EPM2A: variants seen among roughly 807,000 people sequenced by gnomAD.
EPM2A encodes the protein EPM2A glucan phosphatase, laforin, also known as laforin.
EPM2A carries 21 observed loss-of-function variants against 26.5 expected under a neutral mutation model. That is an observed-to-expected ratio of 0.79 (90% CI 0.56 to 1.14). The LOEUF is 1.14. Among genes scored for constraint, EPM2A ranks in the 50% most tolerant of loss-of-function variants. EPM2A has a pLI of 0.00. For missense variants in EPM2A, 458 were observed against 440.8 expected (o/e 1.04, Z -0.35); for synonymous variants, 217 against 177.6 (o/e 1.22, Z -1.76).
At chr6:145,677,462 G>A (rs892058227) in intron 2 of EPM2A, among the ~76,000 whole-genome samples, 15 of 152,088 alleles carry the variant, frequency 9.9e-5, no homozygotes, top group Admixed American at 6.6e-4. Flanking sequence ...GAAATAAAGG[G>A]TATTCAATTA....
Position 145,538,254 on chromosome 6 carries a change from G to A in EPM2A, c.341-35679C>T, listed in dbSNP as rs1301332313. 2.0e-5 allele frequency among the ~76,000 whole-genome samples: 3 copies of A among 151,902 alleles called. No homozygotes were observed. In the East Asian group the frequency reaches 5.8e-4, roughly 30 times the overall value. On this transcript the variant is annotated intron_variant, in intron 2 of 3. Transcript: ENST00000450221. ...AAAGCATTACTATTTCTCCACAGAA[G>A]AGGCCTTTTTTTTTTTACATGCTTT... is the stretch of plus-strand genomic sequence containing the variant.
At chr6:145,695,756 T>C (rs1473182862) in intron 1 of EPM2A, among the ~76,000 whole-genome samples, 2 of 152,030 alleles carry the variant, frequency 1.3e-5, no homozygotes, top group Non-Finnish European at 2.9e-5. Context: ...TAAATATATA[T>C]ACATCTAACA....
At chr6:145,712,725 CAG>C (rs1245649418) in intron 1 of EPM2A, among the ~76,000 whole-genome samples, 11 of 152,172 alleles carry the variant, frequency 7.2e-5, no homozygotes, top group Non-Finnish European at 1.0e-4. Context: ...AAAGCTTCAC[CAG>C]AGAGTTTTTC....
At chr6:145,734,040 C>G (rs540149724) in intron 1 of EPM2A, among the ~76,000 whole-genome samples, 1 of 135,388 alleles carries the variant, frequency 7.4e-6, no homozygotes, top group South Asian at 2.4e-4. Context: ...ATTTAGCAGT[C>G]TTTAATGAAG....
chr6:145,418,223 A>G (rs1360500204), intron 4 of EPM2A, among the ~76,000 whole-genome samples: 1 of 152,214 alleles, frequency 6.6e-6, no homozygotes, highest in Non-Finnish European at 1.5e-5. Context: ...CCTGCTCCTC[A>G]GGAAATGCTC....
rs553018433 is a variant in EPM2A at position 145,508,673 on chromosome 6, G to A, written c.341-6098C>T. On this transcript the variant is annotated intron_variant, in intron 2 of 3. Coordinates refer to the EPM2A transcript ENST00000450221. Reference sequence around the variant, plus strand: ...GAGAAGGAACCAGTATAAGAACTCTGGCAATACAAAAATCCAGAGTGTTTT... The same window carrying A: ...GAGAAGGAACCAGTATAAGAACTCTAGCAATACAAAAATCCAGAGTGTTTT... Among the ~76,000 whole-genome samples, 9 of 152,140 alleles carry A rather than the reference G, an allele frequency of 5.9e-5. No homozygotes were observed. The East Asian group carries it at 7.7e-4, about 13-fold the overall frequency.
At chr6:145,431,983 A>C (rs1378596717) in intron 4 of EPM2A, among the ~76,000 whole-genome samples, 1 of 152,246 alleles carries the variant, frequency 6.6e-6, no homozygotes, top group African/African-American at 2.4e-5. Context: ...ACCATCTCAG[A>C]AAATCACATT....
intron 1 of EPM2A, among the ~76,000 whole-genome samples, chr6:145,687,193 A>C (rs950846003): frequency 6.6e-6 from 1 of 152,066 alleles, no homozygotes; most frequent in African/African-American, 2.4e-5. Flanking sequence ...CATGAAGAAG[A>C]ACCCTCACAA....
In EPM2A at chr6:145,627,060, T is replaced by C. The variant is rs1775861493; in HGVS notation, c.*356A>G. 1.7e-6 allele frequency: 2 copies of C among 1,178,990 alleles called. No homozygotes were observed. The highest frequency in any genetic ancestry group is 3.7e-4 in the Middle Eastern group (1 of 2,670). The allele number at this position is 1,178,990 out of a possible 1,614,324, so 73.0% of individuals were successfully genotyped here. A position where few individuals can be genotyped will look rare whatever the true frequency, so the allele number is the denominator to read the frequency against. On this transcript the variant is annotated 3_prime_UTR_variant, in exon 4 of 4. Transcript: ENST00000367519. Reference sequence around the variant, plus strand: ...TCCTCTACATGGCCAAGAGTTTCAGTGCAACAGGAAAGTGCTGTCACGGAT... The same window carrying C: ...TCCTCTACATGGCCAAGAGTTTCAGCGCAACAGGAAAGTGCTGTCACGGAT...
At chr6:145,579,053 A>G (rs1285296153) in intron 2 of EPM2A, among the ~76,000 whole-genome samples, 3 of 152,136 alleles carry the variant, frequency 2.0e-5, no homozygotes, top group African/African-American at 7.2e-5. Context: ...CTAATGTTAA[A>G]TGACGAGTTA....
At chr6:145,427,862 T>C (rs1020064912) in intron 4 of EPM2A, among the ~76,000 whole-genome samples, 1 of 152,188 alleles carries the variant, frequency 6.6e-6, no homozygotes, top group South Asian at 2.1e-4. Context: ...TTCAATATTT[T>C]ATTCTCAACT....
chr6:145,681,562 T>G (rs1343353391), intron 2 of EPM2A, among the ~76,000 whole-genome samples: 6 of 150,344 alleles, frequency 4.0e-5, no homozygotes, highest in African/African-American at 1.5e-4. Context: ...CTTGAATTGA[T>G]TTTTGTATAA....
At chr6:145,385,445 T>A (rs1304909061) in intron 4 of EPM2A, among the ~76,000 whole-genome samples, 1 of 152,160 alleles carries the variant, frequency 6.6e-6, no homozygotes, top group Admixed American at 6.5e-5. Context: ...TTTAGAGTAT[T>A]CTGATGATAT....
intron 2 of EPM2A, among the ~76,000 whole-genome samples, chr6:145,658,278 TG>T (rs1429703824): frequency 6.6e-6 from 1 of 152,222 alleles, no homozygotes; most frequent in Non-Finnish European, 1.5e-5. Flanking sequence ...ATTCAATGAC[TG>T]ACCTGTTCTA....
intron 4 of EPM2A, among the ~76,000 whole-genome samples, chr6:145,393,537 C>T (rs1029532448): frequency 4.6e-5 from 7 of 152,186 alleles, no homozygotes; most frequent in East Asian, 1.9e-4. Flanking sequence ...GGTACTACGA[C>T]GAAGGGAAGA....
chr6:145,422,078 G>T (rs9484990), intron 4 of EPM2A, among the ~76,000 whole-genome samples: 25,904 of 110,860 alleles, frequency 0.23, 2,336 homozygotes, highest in South Asian at 0.27. Flanking sequence ...TATATATATA[G>T]AGAGAGAGAG....
intron 1 of EPM2A, chr6:145,734,428 C>A (rs963393797): frequency 6.6e-6 from 1 of 151,612 alleles, no homozygotes; most frequent in African/African-American, 2.4e-5. Flanking sequence ...GTGGAGGAAA[C>A]ACTGTAAGTT....
chr6:145,436,600 T>C (rs1778992549), intron 4 of EPM2A, among the ~76,000 whole-genome samples: 1 of 152,070 alleles, frequency 6.6e-6, no homozygotes, highest in African/African-American at 2.4e-5. Context: ...TTAATGATGT[T>C]GAGCTTTTTT....
chr6:145,707,734 A>G (rs1382446126), intron 1 of EPM2A, among the ~76,000 whole-genome samples: 3 of 152,182 alleles, frequency 2.0e-5, no homozygotes, highest in Non-Finnish European at 2.9e-5. Context: ...TCCTTTTGTT[A>G]TAAATTACTG....
Sources: gnomAD v4.1 joint callset for allele counts (sites outside exome capture counted in the v4.1 genomes callset) on GRCh38, gnomAD v4.1.1 for gene constraint, MANE v1.5 for transcripts, NCBI Gene and HGNC (gene_info 2026-07-23, HGNC 2026-07-21) for gene names.